The following RMND5A variants were observed in gnomAD, a reference collection of about 807,000 sequenced individuals.
RMND5A encodes the protein required for meiotic nuclear division 5 homolog A, also known as E3 ubiquitin-protein transferase RMND5A.
RMND5A carries 17 observed loss-of-function variants against 49.7 expected under a neutral mutation model. The ratio of observed to expected loss-of-function variants is 0.34; its 90% CI spans 0.23 to 0.51. The LOEUF is 0.51. Ranked by LOEUF, RMND5A falls within the 20% of genes least tolerant of loss-of-function variation. The probability of loss-of-function intolerance (pLI) is 0.96; values close to 1 mark genes in which losing one functional copy is unlikely to be tolerated. For missense variants in RMND5A, 255 were observed against 471.3 expected (o/e 0.54, Z 4.25); for synonymous variants, 156 against 167.7 (o/e 0.93, Z 0.54).
chr2:86,765,535 G>A (rs970684948), intron 5 of RMND5A: 6 of 347,458 alleles, frequency 1.7e-5, no homozygotes, highest in Admixed American at 1.4e-4. Flanking sequence ...TCAACCCCAC[G>A]AAACTGTGTA....
chr2:86,755,166 G>C (rs555299394), intron 4 of RMND5A, among the ~76,000 whole-genome samples: 4 of 149,044 alleles, frequency 2.7e-5, no homozygotes, highest in East Asian at 2.0e-4. Flanking sequence ...GCCCAGGCTA[G>C]AGTGCAGTGG....
In RMND5A at chr2:86,775,826, C is replaced by G. The variant is rs1226138734; in HGVS notation, c.*2415C>G. 6.6e-6 allele frequency: 1 copy of G among 152,144 alleles called. No individual in the cohort carries two copies. The highest frequency in any genetic ancestry group is 1.5e-5 in the Non-Finnish European group (1 of 68,028). The allele number at this position is 152,144 out of a possible 1,614,324, so 9.4% of individuals were successfully genotyped here. A position where few individuals can be genotyped will look rare whatever the true frequency, so the allele number is the denominator to read the frequency against. On this transcript the variant is annotated 3_prime_UTR_variant, in exon 9 of 9. Coordinates refer to ENST00000283632, the MANE Select transcript of RMND5A (RefSeq NM_022780.4). ...AGAGGTGGATTTAAAGAGGCCAGAC[C>G]TTAACCAAAGATGCTGAGATACAGC...
At chr2:86,762,691 C>CATATATATATG (rs1210117444) in intron 4 of RMND5A, among the ~76,000 whole-genome samples, 1 of 11,780 alleles carries the variant, frequency 8.5e-5, no homozygotes, top group African/African-American at 9.8e-5. Context: ...ATATATATAT[C>CATATATATATG]ATATATATCA....
At chr2:86,721,134 G>C (rs1208977418) in intron 1 of RMND5A, 1 of 264,802 alleles carries the variant, frequency 3.8e-6, no homozygotes, top group Non-Finnish European at 7.2e-6. Context: ...GGCGCCCCTC[G>C]TCCCCCGCTC....
chr2:86,758,281 A>G (rs1478151808), intron 4 of RMND5A, among the ~76,000 whole-genome samples: 1 of 152,228 alleles, frequency 6.6e-6, no homozygotes, highest in Non-Finnish European at 1.5e-5. Flanking sequence ...TTTTATGCAC[A>G]AGTGGTTGCA....
intron 1 of RMND5A, among the ~76,000 whole-genome samples, chr2:86,732,389 C>A (rs1331833999): frequency 1.3e-5 from 2 of 149,532 alleles, no homozygotes; most frequent in Middle Eastern, 6.4e-3. Context: ...GAGAAACGTA[C>A]TTGTCAATAT....
At position 86,763,944 on chromosome 2, in the gene RMND5A, A is replaced by G. The variant is rs559362525; in HGVS notation, c.522-1083A>G. 5.3e-5 allele frequency among the ~76,000 whole-genome samples: 8 copies of G among 152,358 alleles called. No homozygotes were observed. In the South Asian group the frequency reaches 1.2e-3, roughly 24 times the overall value. On this transcript the variant is annotated intron_variant, in intron 4 of 8. Coordinates refer to ENST00000283632, the MANE Select transcript of RMND5A (RefSeq NM_022780.4). ...AAAAATCACTTTGACTTTGAAGTCAAAGAAGCCTCATGATTTGACTGTAAG... is the reference window on the plus strand; with the variant it reads ...AAAAATCACTTTGACTTTGAAGTCAGAGAAGCCTCATGATTTGACTGTAAG...
intron 1 of RMND5A, among the ~76,000 whole-genome samples, chr2:86,721,285 G>T (rs1681214698): frequency 6.6e-6 from 1 of 151,916 alleles, no homozygotes; most frequent in Non-Finnish European, 1.5e-5. Flanking sequence ...CGAATCCTTG[G>T]CCAGGGGACT....
chr2:86,771,807 T>A, intron 8 of RMND5A, 95 bp downstream of exon 8: 1 of 1,047,442 alleles, frequency 9.5e-7, no homozygotes, highest in Non-Finnish European at 1.4e-6. Context: ...AAAATGTAGC[T>A]AGATTTAGAA....
chr2:86,766,050 T>C (rs757016204), intron 6 of RMND5A, 26 bp downstream of exon 6: 7 of 1,600,284 alleles, frequency 4.4e-6, no homozygotes, highest in East Asian at 2.2e-5. Flanking sequence ...CTGTCTGTTA[T>C]TGAAGTATGC....
Position 86,720,702 on chromosome 2 carries a change from A to C in RMND5A, c.35A>C (p.Glu12Ala), listed in dbSNP as rs1412283557. 1.9e-6 allele frequency: 3 copies of C among 1,577,358 alleles called. No individual in the cohort carries two copies. The highest frequency in any genetic ancestry group is 1.4e-5 in the African/African-American group (1 of 72,834). The change falls in exon 1 of 9, where the codon GAG becomes GCG. Residue 12 changes from glutamate to alanine, a missense_variant. Glu to Ala is a moderately radical substitution (Grantham distance 107). Coordinates refer to ENST00000283632, the MANE Select transcript of RMND5A (RefSeq NM_022780.4). ...DQCVTVEREL[E>A]KVLHKFSGYG... is the part of the protein sequence containing the mutation. ...TGCGTGACGGTGGAGCGCGAGCTGG[A>C]GAAGGTGCTGCACAAGTTCTCAGGC...
rs1459017367 is a variant in RMND5A at position 86,765,974 on chromosome 2, G to T, written c.804G>T (p.Arg268=). The change falls in exon 6 of 9, where the codon CGG becomes CGT. Residue 268 remains arginine (R), a synonymous_variant. Transcript: ENST00000283632. ...CTGATATCTGTGACATCTTTACACG[G>T]GATGCTTGTGCCCTCCTGGGGCTCT... The part of the protein sequence containing the change: ...QWADICDIFT[R]DACALLGLSV... 1.2e-6 allele frequency: 2 copies of T among 1,614,122 alleles called. No homozygotes were observed. The highest frequency in any genetic ancestry group is 4.5e-5 in the East Asian group (2 of 44,880).
Position 86,773,352 on chromosome 2 carries a change from A to G in RMND5A, c.1117A>G (p.Lys373Glu). ...TGTTTTCTTCTTTGTCTTTAGATTA[A>G]AATGTCCCTACTGTCCAATGGAACA... ...LNKMFNGSKL[K>E]CPYCPMEQSP... The change falls in exon 9 of 9, where the codon AAA becomes GAA. Residue 373 changes from lysine to glutamate, a missense_variant. Coordinates refer to ENST00000283632, the MANE Select transcript of RMND5A (RefSeq NM_022780.4). 6.3e-7 allele frequency: 1 copy of G among 1,598,326 alleles called. No homozygotes were observed. The highest frequency in any genetic ancestry group is 8.6e-7 in the Non-Finnish European group (1 of 1,165,948).
At chr2:86,732,048 A>G (rs1164175587) in intron 1 of RMND5A, among the ~76,000 whole-genome samples, 1 of 83,192 alleles carries the variant, frequency 1.2e-5, no homozygotes, top group African/African-American at 7.5e-5. Flanking sequence ...CACCATAACA[A>G]TACTTTTTTA....
intron 4 of RMND5A, among the ~76,000 whole-genome samples, chr2:86,759,384 G>C (rs1455823272): frequency 2.0e-5 from 3 of 152,048 alleles, no homozygotes; most frequent in Non-Finnish European, 4.4e-5. Flanking sequence ...ATATTGTTTT[G>C]GGGTTTGTTG....
In RMND5A at chr2:86,776,247, C is replaced by G. The variant is rs1409669723; in HGVS notation, c.*2836C>G. ...TTTCTCCGTTGTGTGATCACAGATG[C>G]TATTTCTGTTTTATTGGTGATTATA... On this transcript the variant is annotated 3_prime_UTR_variant, in exon 9 of 9. Transcript: ENST00000283632. 6.6e-6 allele frequency: 1 copy of G among 152,136 alleles called. No homozygotes were observed. The highest frequency in any genetic ancestry group is 1.5e-5 in the Non-Finnish European group (1 of 68,026). 9.4% of individuals were successfully genotyped at this position (152,136 alleles called of 1,614,324 possible).
intron 6 of RMND5A, 62 bp downstream of exon 6, chr2:86,766,086 T>C: frequency 2.1e-6 from 3 of 1,418,800 alleles, no homozygotes. Flanking sequence ...TCCCTTAACT[T>C]GTTTGGTTCT....
intron 2 of RMND5A, 85 bp downstream of exon 2, chr2:86,741,154 ATTAC>A (rs1223019433): frequency 7.2e-7 from 1 of 1,388,162 alleles, no homozygotes; most frequent in African/African-American, 1.4e-5. Flanking sequence ...GCTTTCACAA[ATTAC>A]TTTATGCTAT....
intron 6 of RMND5A, among the ~76,000 whole-genome samples, chr2:86,768,638 A>G (rs1672638504): frequency 6.6e-6 from 1 of 152,176 alleles, no homozygotes; most frequent in Non-Finnish European, 1.5e-5. Flanking sequence ...AATTGGGCCT[A>G]TAGGGCTGGG....
Sources: gnomAD v4.1 joint callset for allele counts (sites outside exome capture counted in the v4.1 genomes callset) on GRCh38, gnomAD v4.1.1 for gene constraint, MANE v1.5 for transcripts, NCBI Gene and HGNC (gene_info 2026-07-23, HGNC 2026-07-21) for gene names.